Variants in SLC34A2 observed in about 807,000 individuals in gnomAD.
The protein encoded by SLC34A2 is solute carrier family 34 member 2.
A neutral mutation model predicts 50.8 loss-of-function variants in SLC34A2; 41 were observed. The observed-to-expected ratio is 0.81, with a 90% CI of 0.63 to 1.05. SLC34A2 has a LOEUF of 1.05. SLC34A2 is among the 50% of genes least tolerant of loss of function. The probability of loss-of-function intolerance (pLI) is 0.00; values close to 1 mark genes in which losing one functional copy is unlikely to be tolerated. For synonymous variants in SLC34A2, 401 were observed against 364.2 expected (o/e 1.10, Z -1.15); for missense variants, 879 against 876.7 (o/e 1.00, Z -0.03).
chr4:25,665,328 G>A (rs1714439136), intron 4 of SLC34A2, among the ~76,000 whole-genome samples: 1 of 151,950 alleles, frequency 6.6e-6, no homozygotes. Flanking sequence ...CACCATGCCT[G>A]GCTAATTTTT....
intron 6 of SLC34A2, among the ~76,000 whole-genome samples, chr4:25,668,928 T>C (rs371487944): frequency 1.9e-4 from 28 of 150,498 alleles, no homozygotes; most frequent in African/African-American, 6.3e-4. Context: ...AAAGGTAAGC[T>C]GTTTCATTGA....
chr4:25,664,394 G>A (rs2109050330), intron 4 of SLC34A2, 64 bp downstream of exon 4: 3 of 1,584,254 alleles, frequency 1.9e-6, no homozygotes, highest in Non-Finnish European at 1.7e-6. Context: ...GGTTCCGAGA[G>A]TAAAACTCAG....
chr4:25,669,536 TC>T, intron 6 of SLC34A2, 110 bp from the exon 7 acceptor site: 1 of 947,214 alleles, frequency 1.1e-6, no homozygotes, highest in Admixed American at 1.7e-5. Flanking sequence ...TGTGCACACT[TC>T]CATAGGTGAC....
intron 9 of SLC34A2, among the ~76,000 whole-genome samples, chr4:25,672,399 GC>G (rs749795103): frequency 1.1e-4 from 16 of 152,166 alleles, no homozygotes; most frequent in South Asian, 4.1e-4. Flanking sequence ...GGGCACTGGG[GC>G]TGTAGCTCTT....
At chr4:25,659,248 TTGTC>T (rs1390990781) in intron 1 of SLC34A2, among the ~76,000 whole-genome samples, 1 of 152,106 alleles carries the variant, frequency 6.6e-6, no homozygotes, top group Non-Finnish European at 1.5e-5. Context: ...CTCAGTTTCT[TTGTC>T]TGTACACTGA....
rs754887557 is a variant in SLC34A2, at chr4:25,664,298, A to G, written c.347A>G (p.Asp116Gly). The change falls in exon 4 of 13, where the codon GAT becomes GGT. Residue 116 changes from aspartate to glycine, a missense_variant. Coordinates refer to ENST00000382051, the MANE Select transcript of SLC34A2 (RefSeq NM_006424.3). ...CTCTACTTTTTCGTGTGCTCCCTGG[A>G]TATTCTTAGTAGCGCCTTCCAGCTG... is the stretch of plus-strand genomic sequence containing the variant. ...GFLYFFVCSL[D>G]ILSSAFQLVG... The G allele has an allele frequency of 9.3e-6, 15 of 1,613,456 alleles. No individual in the cohort carries two copies. Among genetic ancestry groups the G allele is most frequent in the Non-Finnish European group, 1.2e-5 (14 of 1,179,958 alleles).
At chr4:25,669,314 T>C (rs1368208337) in intron 6 of SLC34A2, among the ~76,000 whole-genome samples, 1 of 152,214 alleles carries the variant, frequency 6.6e-6, no homozygotes, top group Non-Finnish European at 1.5e-5. Context: ...GTTGCCTTCA[T>C]ACTGGTCCCC....
intron 5 of SLC34A2, among the ~76,000 whole-genome samples, chr4:25,667,502 A>T (rs1431176976): frequency 8.5e-5 from 13 of 152,276 alleles, no homozygotes; most frequent in Admixed American, 8.5e-4. Flanking sequence ...ACAGAGCGAG[A>T]TCCATCTCAA....
intron 8 of SLC34A2, 101 bp from the exon 9 acceptor site, chr4:25,671,499 AC>A: frequency 7.0e-7 from 1 of 1,434,824 alleles, no homozygotes; most frequent in Non-Finnish European, 9.8e-7. Context: ...TACTGCATGC[AC>A]CATGGGTGGT....
chr4:25,667,505 C>T (rs1354619416), intron 5 of SLC34A2, among the ~76,000 whole-genome samples: 1 of 152,010 alleles, frequency 6.6e-6, no homozygotes. Context: ...GAGCGAGATC[C>T]ATCTCAAAAA....
At chr4:25,676,086 C>T (rs1715091655) in intron 12 of SLC34A2, 49 bp from the exon 13 acceptor site, 2 of 1,609,890 alleles carry the variant, frequency 1.2e-6, no homozygotes, top group East Asian at 2.2e-5. Context: ...CCTACTGCCA[C>T]CCGCATTGGG....
chr4:25,667,735 CAGAGTGAGGTGCA>C, intron 5 of SLC34A2, 132 bp from the exon 6 acceptor site: 1 of 669,252 alleles, frequency 1.5e-6, no homozygotes, highest in Admixed American at 2.1e-5. Flanking sequence ...TAGTGAGGTG[CAGAGTGAGGTGCA>C]AAAAAAAAGT....
At chr4:25,670,862 G>T in intron 8 of SLC34A2, 29 bp downstream of exon 8, 1 of 1,551,750 alleles carries the variant, frequency 6.4e-7, no homozygotes, top group East Asian at 2.3e-5. Flanking sequence ...TCCCGGGGCG[G>T]GGAGTGAACC....
intron 1 of SLC34A2, 61 bp from the exon 2 acceptor site, chr4:25,662,437 A>G (rs1714243539): frequency 2.8e-6 from 4 of 1,434,196 alleles, no homozygotes; most frequent in East Asian, 4.5e-5. Context: ...TCTTCCTCTT[A>G]TAGCATCTCG....
intron 4 of SLC34A2, chr4:25,665,111 G>A (rs891925420): frequency 6.3e-5 from 14 of 222,270 alleles, no homozygotes; most frequent in Non-Finnish European, 1.1e-4. Flanking sequence ...GGAGAGTTGG[G>A]GAGGTGGGCA....
At position 25,670,829 on chromosome 4, in the gene SLC34A2, A is replaced by G. The variant is rs764692447; in HGVS notation, c.923A>G (p.Asn308Ser). ...AAGATTTGGTGCAAAACTTTTACCA[A>G]CAAGGTACGTTTCCAAGAATATTCC... ...LVKIWCKTFTNKTQINVTVPS... is the reference protein window; with the variant it reads ...LVKIWCKTFTSKTQINVTVPS... The change falls in exon 8 of 13, where the codon AAC becomes AGC. Residue 308 changes from asparagine (N) to serine (S), a missense_variant. Coordinates refer to ENST00000382051, the MANE Select transcript of SLC34A2 (RefSeq NM_006424.3). 3 of 1,613,074 alleles carry G rather than the reference A, an allele frequency of 1.9e-6. No homozygotes were observed.
intron 5 of SLC34A2, among the ~76,000 whole-genome samples, chr4:25,667,665 A>G (rs1000818857): frequency 6.6e-6 from 1 of 152,220 alleles, no homozygotes; most frequent in East Asian, 1.9e-4. Flanking sequence ...CCTTCAGGCT[A>G]GCCTTGGATC....
Position 25,670,762 on chromosome 4 carries a change from A to G in SLC34A2, c.856A>G (p.Ile286Val). ...VQLDKKVISQ[I>V]AMNDEKAKNK... ...GCTGGATAAAAAAGTTATCAGCCAAATTGCAATGAACGATGAAAAAGCGAA... is the reference window on the plus strand; with the variant it reads ...GCTGGATAAAAAAGTTATCAGCCAAGTTGCAATGAACGATGAAAAAGCGAA... The change falls in exon 8 of 13, where the codon ATT becomes GTT. Residue 286 changes from isoleucine (I) to valine (V), a missense_variant. Ile to Val is a conservative substitution (Grantham distance 29). Coordinates refer to ENST00000382051, the MANE Select transcript of SLC34A2 (RefSeq NM_006424.3). 6.2e-7 allele frequency: 1 copy of G among 1,614,034 alleles called. No individual in the cohort carries two copies. Among genetic ancestry groups the G allele is most frequent in the Non-Finnish European group, 8.5e-7 (1 of 1,179,882 alleles).
chr4:25,673,148 A>G lies in SLC34A2; in HGVS notation c.1110A>G (p.Ile370Met). 6.2e-7 allele frequency: 1 copy of G among 1,612,924 alleles called. No homozygotes were observed. The highest frequency in any genetic ancestry group is 1.1e-5 in the South Asian group (1 of 90,950). The change falls in exon 10 of 13, where the codon ATA (isoleucine) becomes ATG (methionine). Residue 370 changes from isoleucine (I) to methionine (M), a missense_variant. Coordinates refer to ENST00000382051, the MANE Select transcript of SLC34A2 (RefSeq NM_006424.3). ...TTGCTGTGGGCACCATCTTGCTCAT[A>G]CTCTCCCTGCTGGTCCTCTGTGGTT... is the stretch of plus-strand genomic sequence containing the variant. ...PDLAVGTILL[I>M]LSLLVLCGCL...
Sources: allele counts gnomAD v4.1 joint callset (sites outside exome capture counted in the v4.1 genomes callset), GRCh38; gene constraint gnomAD v4.1.1; transcripts MANE v1.5; gene names NCBI Gene and HGNC (gene_info 2026-07-23, HGNC 2026-07-21).